The following FILIP1L variants were observed in gnomAD, a reference collection of about 807,000 sequenced individuals.
The protein encoded by FILIP1L is filamin A interacting protein 1 like.
Under a neutral mutation model 96.6 loss-of-function variants are expected in FILIP1L, and 55 were observed. The observed-to-expected ratio is 0.57, with a 90% CI of 0.46 to 0.71. The LOEUF is 0.71. Ranked by LOEUF, FILIP1L falls within the 30% of genes least tolerant of loss-of-function variation. FILIP1L has a pLI of 0.00. For missense variants in FILIP1L, 1,304 were observed against 1,321.2 expected (o/e 0.99, Z 0.20); for synonymous variants, 467 against 473.9 (o/e 0.99, Z 0.19).
chr3:99,929,147 G>T (rs2107660540), intron 3 of FILIP1L, among the ~76,000 whole-genome samples: 1 of 152,250 alleles, frequency 6.6e-6, no homozygotes, highest in South Asian at 2.1e-4. Flanking sequence ...GGTCTCAGAG[G>T]AAAATTAAAG....
chr3:99,867,270 A>G (rs952299464), intron 4 of FILIP1L, among the ~76,000 whole-genome samples: 2 of 152,142 alleles, frequency 1.3e-5, no homozygotes, highest in Admixed American at 6.5e-5. Flanking sequence ...TATGTGAGAA[A>G]TGTTCTGTTT....
intron 1 of FILIP1L, among the ~76,000 whole-genome samples, chr3:100,021,223 T>C (rs966152781): frequency 2.6e-5 from 4 of 152,318 alleles, no homozygotes; most frequent in East Asian, 1.9e-4. Flanking sequence ...AGCAAAACCA[T>C]TGGAAGTAGC....
chr3:99,925,280 A>T (rs138947371), intron 3 of FILIP1L, among the ~76,000 whole-genome samples: 1 of 152,328 alleles, frequency 6.6e-6, no homozygotes, highest in African/African-American at 2.4e-5. Context: ...GTCCATTCAG[A>T]TTTTCACAGC....
chr3:99,869,259 A>G (rs1464946550), intron 4 of FILIP1L, among the ~76,000 whole-genome samples: 1 of 152,150 alleles, frequency 6.6e-6, no homozygotes, highest in African/African-American at 2.4e-5. Flanking sequence ...TTTGCCTGTG[A>G]TTCTTTGCAT....
chr3:99,999,233 T>G (rs1709773160), intron 1 of FILIP1L, among the ~76,000 whole-genome samples: 1 of 152,214 alleles, frequency 6.6e-6, no homozygotes, highest in Admixed American at 6.5e-5. Flanking sequence ...TTAGAAAGTG[T>G]GATAAGCTCT....
intron 3 of FILIP1L, among the ~76,000 whole-genome samples, chr3:99,927,245 TA>T (rs1332426601): frequency 6.6e-6 from 1 of 152,252 alleles, no homozygotes; most frequent in African/African-American, 2.4e-5. Context: ...AAATTAAATT[TA>T]AAAGCTTAAT....
chr3:99,928,008 T>C (rs1457242777), intron 3 of FILIP1L, among the ~76,000 whole-genome samples: 1 of 152,244 alleles, frequency 6.6e-6, no homozygotes, highest in African/African-American at 2.4e-5. Context: ...ATTGAGATTT[T>C]TTAGGTTTTT....
intron 1 of FILIP1L, among the ~76,000 whole-genome samples, chr3:99,981,769 G>A (rs990507251): frequency 1.4e-4 from 22 of 152,128 alleles, no homozygotes; most frequent in African/African-American, 5.3e-4. Flanking sequence ...CCCAAAAGAG[G>A]AAGAAATATG....
At chr3:99,997,018 A>G (rs755017516) in intron 1 of FILIP1L, among the ~76,000 whole-genome samples, 2 of 152,246 alleles carry the variant, frequency 1.3e-5, no homozygotes, top group African/African-American at 2.4e-5. Flanking sequence ...TGGAAAGTTT[A>G]TAGCATTAAA....
chr3:99,869,476 G>C (rs1944681732), intron 4 of FILIP1L, among the ~76,000 whole-genome samples: 2 of 152,290 alleles, frequency 1.3e-5, no homozygotes, highest in South Asian at 4.1e-4. Context: ...CCTTTTAGCA[G>C]CAGTGGATTC....
intron 4 of FILIP1L, among the ~76,000 whole-genome samples, chr3:99,869,165 G>A (rs1408118143): frequency 6.6e-6 from 1 of 152,154 alleles, no homozygotes; most frequent in Non-Finnish European, 1.5e-5. Context: ...TCTGGAAGGA[G>A]AACCATTTAG....
At chr3:99,918,921 G>C (rs1167263622) in intron 4 of FILIP1L, among the ~76,000 whole-genome samples, 1 of 152,180 alleles carries the variant, frequency 6.6e-6, no homozygotes, top group South Asian at 2.1e-4. Context: ...ATAGTCTTGA[G>C]AATATGTAAT....
At chr3:99,954,273 C>A (rs1201836528) in intron 1 of FILIP1L, among the ~76,000 whole-genome samples, 2 of 152,190 alleles carry the variant, frequency 1.3e-5, no homozygotes, top group Non-Finnish European at 2.9e-5. Flanking sequence ...AATTCCACAG[C>A]CCAGGTTCTC....
At chr3:99,855,744 T>C (rs1428674177) in intron 4 of FILIP1L, among the ~76,000 whole-genome samples, 1 of 152,244 alleles carries the variant, frequency 6.6e-6, no homozygotes, top group African/African-American at 2.4e-5. Context: ...TTTAAATGTT[T>C]GTTCTTATAT....
intron 1 of FILIP1L, among the ~76,000 whole-genome samples, chr3:99,968,886 A>G (rs6765027): frequency 0.73 from 111,668 of 152,002 alleles, 41,725 homozygotes; most frequent in African/African-American, 0.88. Context: ...GGTTAGCACA[A>G]ACCTCTCTTT....
intron 1 of FILIP1L, among the ~76,000 whole-genome samples, chr3:100,055,375 T>C (rs2065447347): frequency 6.6e-6 from 1 of 152,200 alleles, no homozygotes. Flanking sequence ...TCAAGGTGAC[T>C]GTATGATCCA....
chr3:99,921,065 T>C (rs1265259339), intron 4 of FILIP1L, among the ~76,000 whole-genome samples: 1 of 152,154 alleles, frequency 6.6e-6, no homozygotes, highest in Non-Finnish European at 1.5e-5. Flanking sequence ...TTGGGAGTGG[T>C]TTACAACACT....
intron 4 of FILIP1L, among the ~76,000 whole-genome samples, chr3:99,905,426 A>C (rs1027305811): frequency 6.6e-6 from 1 of 152,194 alleles, no homozygotes; most frequent in Non-Finnish European, 1.5e-5. Flanking sequence ...TCTTCTTGTC[A>C]TCAGGGCCCA....
At chr3:99,934,801 T>C (rs993301729) in intron 1 of FILIP1L, among the ~76,000 whole-genome samples, 4 of 152,180 alleles carry the variant, frequency 2.6e-5, no homozygotes, top group African/African-American at 9.7e-5. Flanking sequence ...TATTCATAAG[T>C]GGTAAAAAAA....
Sources: allele counts gnomAD v4.1 joint callset (sites outside exome capture counted in the v4.1 genomes callset), GRCh38; gene constraint gnomAD v4.1.1; transcripts MANE v1.5; gene names NCBI Gene and HGNC (gene_info 2026-07-23, HGNC 2026-07-21).